Variants in ARHGEF11 observed in about 807,000 individuals in gnomAD.
ARHGEF11 encodes the protein Rho guanine nucleotide exchange factor 11, also known as Rho guanine exchange factor (GEF) 11.
In ARHGEF11, 55 loss-of-function variants were observed where a neutral mutation model predicts 193.7. The ratio of observed to expected loss-of-function variants is 0.28; its 90% confidence interval spans 0.23 to 0.36. The LOEUF is 0.36. Ranked by LOEUF, ARHGEF11 falls within the 10% of genes least tolerant of loss-of-function variation. ARHGEF11 has a pLI of 1.00. For synonymous variants in ARHGEF11, 693 were observed against 768.0 expected (o/e 0.90, Z 1.62); for missense variants, 1,723 against 2,005.6 (o/e 0.86, Z 2.69).
At chr1:156,954,454 A>G (rs367605483) in intron 21 of ARHGEF11, among the ~76,000 whole-genome samples, 19 of 149,206 alleles carry the variant, frequency 1.3e-4, no homozygotes, top group African/African-American at 4.2e-4. Flanking sequence ...AGACCCTTCA[A>G]TGTGTGAGGG....
chr1:156,940,784 C>G (rs1557821840), intron 35 of ARHGEF11, among the ~76,000 whole-genome samples: 1 of 152,070 alleles, frequency 6.6e-6, no homozygotes, highest in Non-Finnish European at 1.5e-5. Context: ...CAGATTGGGC[C>G]AAGAGGACAC....
At chr1:157,041,834 C>T (rs1319456734) in intron 1 of ARHGEF11, among the ~76,000 whole-genome samples, 1 of 152,124 alleles carries the variant, frequency 6.6e-6, no homozygotes, top group Non-Finnish European at 1.5e-5. Flanking sequence ...TACGTGTTTC[C>T]CAGTCCCCCA....
At chr1:157,002,767 GATA>G (rs1001802525) in intron 1 of ARHGEF11, among the ~76,000 whole-genome samples, 4 of 152,170 alleles carry the variant, frequency 2.6e-5, no homozygotes, top group Non-Finnish European at 5.9e-5. Context: ...AACTCATGAT[GATA>G]ATAATAATAA....
chr1:156,946,583 C>A (rs1020969608), intron 28 of ARHGEF11, 79 bp downstream of exon 28: 23 of 1,598,998 alleles, frequency 1.4e-5, no homozygotes, highest in Non-Finnish European at 1.6e-5. Context: ...GATGATGTGG[C>A]CAGAAGGAGA....
intron 22 of ARHGEF11, among the ~76,000 whole-genome samples, chr1:156,950,606 A>G (rs1486809862): frequency 6.6e-6 from 1 of 152,108 alleles, no homozygotes; most frequent in Non-Finnish European, 1.5e-5. Flanking sequence ...CACCACTGCA[A>G]TCCAGCCTGG....
chr1:156,973,066 GAT>G (rs1004095850), intron 7 of ARHGEF11, among the ~76,000 whole-genome samples: 2 of 151,872 alleles, frequency 1.3e-5, no homozygotes, highest in African/African-American at 4.8e-5. Context: ...TTTGTAAAGG[GAT>G]ATGAGCCTGT....
At chr1:157,014,918 C>T (rs560045735) in intron 1 of ARHGEF11, among the ~76,000 whole-genome samples, 1 of 152,290 alleles carries the variant, frequency 6.6e-6, no homozygotes, top group African/African-American at 2.4e-5. Flanking sequence ...TGCGGACTCT[C>T]ATTCTTGTCT....
At chr1:156,957,726 G>A in intron 18 of ARHGEF11, 66 bp downstream of exon 18, 1 of 1,525,458 alleles carries the variant, frequency 6.6e-7, no homozygotes, top group Admixed American at 1.7e-5. Context: ...GAAATGGAAA[G>A]CATAGTAGCT....
At chr1:156,963,427 C>T (rs1301571005) in intron 12 of ARHGEF11, 93 bp downstream of exon 12, 2 of 1,518,728 alleles carry the variant, frequency 1.3e-6, no homozygotes, top group Non-Finnish European at 1.8e-6. Context: ...CTCAAGTTCC[C>T]TTCACAGCTG....
chr1:157,017,516 G>A (rs1470117401), intron 1 of ARHGEF11, among the ~76,000 whole-genome samples: 1 of 151,924 alleles, frequency 6.6e-6, no homozygotes, highest in Non-Finnish European at 1.5e-5. Flanking sequence ...GATCATCCTG[G>A]CTAACATGGT....
Position 156,951,652 on chromosome 1 carries a change from G to A in ARHGEF11, c.1846C>T (p.Gln616Ter). Reference protein sequence around the residue: ...RNIIQHFENNQQYDAPEPGTQ... With the variant: ...RNIIQHFENN ...CCAGGTTCTGGGGCATCATACTGCT[G>A]GTTGTTCTCAAAGTGCTGAATGATG... The change falls in exon 22 of 41, where the codon CAG (glutamine) becomes TAG (stop). Residue 616 changes from glutamine to a stop codon, truncating the protein, a stop_gained. Coordinates refer to ENST00000368194, the MANE Select transcript of ARHGEF11 (RefSeq NM_198236.3). LOFTEE classifies it high-confidence loss of function. 1 of 1,614,166 alleles carries A rather than the reference G, an allele frequency of 6.2e-7. No homozygotes were observed. Among genetic ancestry groups the A allele is most frequent in the Non-Finnish European group, 8.5e-7 (1 of 1,180,024 alleles).
rs1435720105 is a variant in ARHGEF11 at position 156,935,911 on chromosome 1, G to C, written c.*89C>G. The stretch of plus-strand genomic sequence containing the variant: ...CTAACTGCCTCCTCCACAGGGAGGA[G>C]TGTTGGGATCCCCCCTACCCTGTGC... On this transcript the variant is annotated 3_prime_UTR_variant, in exon 41 of 41. Coordinates refer to ENST00000368194, the MANE Select transcript of ARHGEF11 (RefSeq NM_198236.3). 7.1e-7 allele frequency: 1 copy of C among 1,412,300 alleles called. No individual in the cohort carries two copies. Among genetic ancestry groups the C allele is most frequent in the Non-Finnish European group, 9.7e-7 (1 of 1,035,342 alleles). 87.5% of individuals were successfully genotyped at this position (1,412,300 alleles called of 1,614,324 possible).
chr1:156,940,163 C>G, intron 36 of ARHGEF11, 44 bp downstream of exon 36: 3 of 1,527,296 alleles, frequency 2.0e-6, no homozygotes, highest in Non-Finnish European at 2.6e-6. Flanking sequence ...ACTGGGTGTG[C>G]GACTGGGGAC....
At chr1:156,938,234 T>A (rs1291694438) in intron 38 of ARHGEF11, among the ~76,000 whole-genome samples, 184 bp downstream of exon 38, 2 of 152,140 alleles carry the variant, frequency 1.3e-5, no homozygotes, top group Admixed American at 6.5e-5. Context: ...TAAGGCTGGA[T>A]GGACAGCCAG....
At chr1:156,978,469 TC>T in intron 5 of ARHGEF11, 87 bp from the exon 6 acceptor site, 1 of 1,474,896 alleles carries the variant, frequency 6.8e-7, no homozygotes, top group Non-Finnish European at 9.0e-7. Flanking sequence ...TTCTCCCTTG[TC>T]CTGTCATTAA....
intron 1 of ARHGEF11, among the ~76,000 whole-genome samples, chr1:157,028,363 A>C (rs1371083649): frequency 2.0e-5 from 3 of 152,220 alleles, no homozygotes; most frequent in Non-Finnish European, 4.4e-5. Flanking sequence ...ATTTTTATTT[A>C]ATCTTCAGAG....
chr1:156,987,034 G>C (rs1665031388), intron 1 of ARHGEF11, among the ~76,000 whole-genome samples: 1 of 152,144 alleles, frequency 6.6e-6, no homozygotes, highest in African/African-American at 2.4e-5. Context: ...CCAAACCAAA[G>C]GATTCACTGC....
At chr1:157,046,801 G>C (rs766505017), upstream of ARHGEF11, among the ~76,000 whole-genome samples, 51 of 152,024 alleles carry the variant, frequency 3.4e-4, no homozygotes, top group Non-Finnish European at 6.3e-4. Flanking sequence ...CTGAGGTCAG[G>C]AGTTCGAGAC....
intron 1 of ARHGEF11, among the ~76,000 whole-genome samples, chr1:157,004,516 C>T (rs1245115923): frequency 1.3e-5 from 2 of 152,204 alleles, no homozygotes; most frequent in South Asian, 2.1e-4. Flanking sequence ...CCCTCCAGGG[C>T]TGACTCCATC....
Sources: allele counts gnomAD v4.1 joint callset (sites outside exome capture counted in the v4.1 genomes callset), GRCh38; gene constraint gnomAD v4.1.1; transcripts MANE v1.5; gene names NCBI Gene and HGNC (gene_info 2026-07-23, HGNC 2026-07-21).